Variants in OTOG observed in about 807,000 individuals in gnomAD.
The protein encoded by OTOG is otogelin.
Under a neutral mutation model 313.8 loss-of-function variants are expected in OTOG, and 296 were observed. The ratio of observed to expected loss-of-function variants is 0.94; its 90% CI spans 0.86 to 1.04. The LOEUF is 1.04. Ranked by LOEUF, OTOG falls within the 50% of genes least tolerant of loss-of-function variation. OTOG has a pLI of 0.00. For synonymous variants in OTOG, 1,533 were observed against 1,554.9 expected (o/e 0.99, Z 0.33); for missense variants, 3,948 against 3,840.1 (o/e 1.03, Z -0.74).
chr11:17,565,964 A>G (rs1852285757), intron 15 of OTOG, among the ~76,000 whole-genome samples: 1 of 152,130 alleles, frequency 6.6e-6, no homozygotes, highest in African/African-American at 2.4e-5. Context: ...GGTTCTCCTG[A>G]TTCCTTTTAT....
chr11:17,641,019 C>A lies in OTOG; in HGVS notation c.8118C>A (p.Thr2706=). The A allele has an allele frequency of 6.5e-7, 1 of 1,540,932 alleles. No homozygotes were observed. Among genetic ancestry groups the A allele is most frequent in the Non-Finnish European group, 8.8e-7 (1 of 1,142,744 alleles). The change falls in exon 51 of 56, where the codon ACC becomes ACA. Residue 2706 remains threonine, a synonymous_variant. Transcript: ENST00000399397. ...TGTGCCACACCTCCCGCTGCACCAC[C>A]GTGCTCGACCCTCTCACCAACTTCT... ...DGVCHTSRCT[T]VLDPLTNFYQ...
At chr11:17,576,696 G>A (rs1590014801) in intron 21 of OTOG, 66 bp downstream of exon 21, 2 of 1,475,272 alleles carry the variant, frequency 1.4e-6, no homozygotes, top group East Asian at 4.9e-5. Context: ...TGAAGACAGT[G>A]CAGCTGATGG....
intron 3 of OTOG, among the ~76,000 whole-genome samples, chr11:17,548,418 CT>C (rs56402246): frequency 2.3e-5 from 2 of 87,630 alleles, no homozygotes; most frequent in African/African-American, 4.7e-5. Context: ...ATAGTCCACT[CT>C]TTTTTTTTTT....
chr11:17,574,588 C>A, intron 19 of OTOG, 132 bp from the exon 20 acceptor site: 2 of 910,050 alleles, frequency 2.2e-6, no homozygotes, highest in Non-Finnish European at 3.2e-6. Context: ...CTGACCTTGA[C>A]CTGCTGTGTG....
At chr11:17,583,725 T>C (rs1852728791) in intron 23 of OTOG, among the ~76,000 whole-genome samples, 1 of 152,200 alleles carries the variant, frequency 6.6e-6, no homozygotes, top group Non-Finnish European at 1.5e-5. Context: ...TGGAGCTTTA[T>C]AGTAAGCCTT....
chr11:17,635,593 A>T lies in OTOG; in HGVS notation c.7694-17A>T. The T allele has an allele frequency of 6.5e-7, 1 of 1,542,346 alleles. No homozygotes were observed. The highest frequency in any genetic ancestry group is 8.8e-7 in the Non-Finnish European group (1 of 1,139,718). ...TGAGAGGACTGCTGTGACAGCATTG[A>T]CCCTCTTCCCCCTCAGCCTGTGGTG... On this transcript the variant is annotated splice_polypyrimidine_tract_variant and intron_variant, in intron 46 of 55. Transcript: ENST00000399397.
At chr11:17,587,433 A>G (rs546868936) in intron 24 of OTOG, among the ~76,000 whole-genome samples, 12 of 152,318 alleles carry the variant, frequency 7.9e-5, no homozygotes, top group Non-Finnish European at 1.3e-4. Context: ...TTGGAGAACC[A>G]GCTAGGGGTG....
At chr11:17,621,206 T>C (rs903465486) in intron 39 of OTOG, among the ~76,000 whole-genome samples, 1 of 152,338 alleles carries the variant, frequency 6.6e-6, no homozygotes, top group Non-Finnish European at 1.5e-5. Flanking sequence ...TATTCTTTCA[T>C]TTTATTTTTG....
At chr11:17,618,700 GT>G (rs908667014) in intron 39 of OTOG, among the ~76,000 whole-genome samples, 19 of 152,094 alleles carry the variant, frequency 1.2e-4, no homozygotes, top group African/African-American at 4.3e-4. Context: ...AGTTTTATCA[GT>G]TTTTTTATTC....
At chr11:17,552,485 G>A (rs1414454419) in intron 4 of OTOG, among the ~76,000 whole-genome samples, 7 of 134,216 alleles carry the variant, frequency 5.2e-5, no homozygotes, top group African/African-American at 2.0e-4. Context: ...ACCTGTCCTA[G>A]GTCTGTGGCC....
At chr11:17,623,999 TTTG>T (rs1320965672) in intron 39 of OTOG, among the ~76,000 whole-genome samples, 1 of 152,116 alleles carries the variant, frequency 6.6e-6, no homozygotes, top group Non-Finnish European at 1.5e-5. Context: ...GGGTAGTTTG[TTTG>T]TTGTTGTTTT....
chr11:17,631,580 A>G, intron 40 of OTOG, 122 bp from the exon 41 acceptor site: 5 of 805,920 alleles, frequency 6.2e-6, no homozygotes, highest in East Asian at 2.7e-5. Flanking sequence ...TCCCTCACCT[A>G]TAAAATGGGG....
intron 36 of OTOG, among the ~76,000 whole-genome samples, chr11:17,611,703 G>A (rs1305055215): frequency 2.0e-5 from 3 of 152,172 alleles, no homozygotes; most frequent in Non-Finnish European, 2.9e-5. Context: ...GTGTGTTTGT[G>A]TTCACATGTG....
rs1847898955 is a variant in OTOG at position 17,638,431 on chromosome 11, C to T, written c.7796-20C>T. On this transcript the variant is annotated intron_variant, in intron 47 of 55. Coordinates refer to ENST00000399397, the MANE Select transcript of OTOG (RefSeq NM_001292063.2). ...CAGGTGCCTGTGACTGACGTGTCAA[C>T]TGCCTCTCCTTCCCCACAGTGTGTG... is the stretch of plus-strand genomic sequence containing the variant. The T allele has an allele frequency of 2.0e-6, 3 of 1,533,748 alleles. No homozygotes were observed. The East Asian group carries it at 7.4e-5, about 38-fold the overall frequency.
rs2133709723 is a variant in OTOG at position 17,635,119 on chromosome 11, G to C, written c.7625G>C (p.Ser2542Thr). The C allele has an allele frequency of 6.5e-7, 1 of 1,549,170 alleles. No homozygotes were observed. Among genetic ancestry groups the C allele is most frequent in the Non-Finnish European group, 8.7e-7 (1 of 1,146,612 alleles). ...CTCTGTGAGGCAGAGCTGGTCCCCA[G>C]CTGCCGACAGGACCAGATCCTGATC... ...PDLCEAELVP[S>T]CRQDQILITG... is the part of the protein sequence containing the mutation. Residue 2542 changes from serine to threonine, a missense_variant, in exon 46 of 56, where the codon AGC (serine) becomes ACC (threonine). Ser to Thr is a moderately conservative substitution (Grantham distance 58). Coordinates refer to ENST00000399397, the MANE Select transcript of OTOG (RefSeq NM_001292063.2).
At position 17,605,945 on chromosome 11, in the gene OTOG, G is replaced by A; in HGVS notation, c.3966G>A (p.Trp1322Ter). 1 of 1,550,580 alleles carries A rather than the reference G, an allele frequency of 6.4e-7. No homozygotes were observed. Among genetic ancestry groups the A allele is most frequent in the Non-Finnish European group, 8.7e-7 (1 of 1,146,964 alleles). Residue 1322 changes from tryptophan (W) to a stop codon, truncating the protein, a stop_gained, in exon 33 of 56, where the codon TGG becomes TGA. Transcript: ENST00000399397. LOFTEE classifies it high-confidence loss of function. ...ACGGGTCTCTGGAGCTGGCTAAGTG[G>A]CAGGGCCGTGACACCTTCCAACAGC... ...TANGSLELAKWQGRDTFQQHA... is the reference protein window; with the variant it reads ...TANGSLELAK
At chr11:17,629,061 C>T (rs769026072) in intron 39 of OTOG, 72 bp from the exon 40 acceptor site, 28 of 1,385,402 alleles carry the variant, frequency 2.0e-5, no homozygotes, top group South Asian at 8.3e-5. Flanking sequence ...AATGGATGGA[C>T]GGACAGATGG....
chr11:17,607,609 T>C (rs1853420630), intron 33 of OTOG, among the ~76,000 whole-genome samples: 1 of 152,234 alleles, frequency 6.6e-6, no homozygotes, highest in Admixed American at 6.5e-5. Context: ...TAGCGCCCAG[T>C]GCTGTTTAAG....
At position 17,547,984 on chromosome 11, in the gene OTOG, C is replaced by A. The variant is rs908052377; in HGVS notation, c.152C>A (p.Pro51His). ...AEPQPEPAGQPSSSHQEATLA... is the reference protein window; with the variant it reads ...AEPQPEPAGQHSSSHQEATLA... ...CCACAGCCAGAGCCAGCCGGGCAAC[C>A]CAGGTGAGTAGGTGTGAGCTGTGGC... Residue 51 changes from proline (P) to histidine (H), a missense_variant, in exon 2 of 56, where the codon CCC (proline) becomes CAC (histidine). Physicochemically the swap from Pro to His is moderately conservative, Grantham distance 77. Transcript: ENST00000399397. The A allele has an allele frequency of 1.1e-5, 7 of 654,686 alleles. No homozygotes were observed. Among genetic ancestry groups the A allele is most frequent in the Admixed American group, 6.5e-5 (2 of 30,866 alleles). The allele number at this position is 654,686 out of a possible 1,614,324, so 40.6% of individuals were successfully genotyped here.
Sources: allele counts gnomAD v4.1 joint callset (sites outside exome capture counted in the v4.1 genomes callset), GRCh38; gene constraint gnomAD v4.1.1; transcripts MANE v1.5; gene names NCBI Gene and HGNC (gene_info 2026-07-23, HGNC 2026-07-21).